The following SPAG17 variants were observed in gnomAD, a reference collection of about 807,000 sequenced individuals.
SPAG17 encodes sperm associated antigen 17, also known as sperm-associated antigen 17.
In SPAG17, 169 loss-of-function variants were observed where a neutral mutation model predicts 273.6. The observed-to-expected ratio is 0.62, with a 90% CI of 0.55 to 0.70. The LOEUF (loss-of-function observed/expected upper bound fraction) is 0.70, where lower values mean the gene tolerates loss of function less well. SPAG17 is among the 30% of genes least tolerant of loss of function. SPAG17 has a pLI of 0.00. For missense variants in SPAG17, 2,557 were observed against 2,627.8 expected (o/e 0.97, Z 0.59); for synonymous variants, 825 against 873.2 (o/e 0.94, Z 0.97).
intron 1 of SPAG17, among the ~76,000 whole-genome samples, chr1:118,153,272 T>G (rs1659486727): frequency 6.6e-6 from 1 of 152,188 alleles, no homozygotes; most frequent in East Asian, 1.9e-4. Context: ...ATTGAATCCC[T>G]AAGTTACCCT....
chr1:118,094,148 G>A (rs1212705939), intron 7 of SPAG17, among the ~76,000 whole-genome samples: 1 of 152,188 alleles, frequency 6.6e-6, no homozygotes, highest in Admixed American at 6.5e-5. Flanking sequence ...CCTGGTTGCT[G>A]GCTGGCTTCC....
intron 48 of SPAG17, 65 bp downstream of exon 48, chr1:117,963,734 C>G (rs532615253): frequency 1.4e-6 from 2 of 1,453,266 alleles, no homozygotes; most frequent in Non-Finnish European, 1.9e-6. Flanking sequence ...GGGGAAGAAA[C>G]CTGGGGTCTA....
chr1:118,054,549 C>A (rs1016405698), intron 19 of SPAG17, among the ~76,000 whole-genome samples: 2 of 152,164 alleles, frequency 1.3e-5, no homozygotes, highest in South Asian at 2.1e-4. Context: ...TGCATCCAAT[C>A]CCAAATTAAC....
At chr1:118,085,763 T>C (rs1045805934) in intron 13 of SPAG17, among the ~76,000 whole-genome samples, 159 bp downstream of exon 13, 2 of 152,224 alleles carry the variant, frequency 1.3e-5, no homozygotes, top group Non-Finnish European at 2.9e-5. Flanking sequence ...AATGACATTA[T>C]TCAAACAAGA....
chr1:118,072,011 T>G (rs71670819), intron 17 of SPAG17, among the ~76,000 whole-genome samples: 4,461 of 152,018 alleles, frequency 0.029, 90 homozygotes, highest in Non-Finnish European at 0.043. Context: ...CAAAGGCATA[T>G]CAACAGGAAA....
rs190149044 is a variant in SPAG17, at chr1:118,096,574, G to A, written c.1011+1096C>T. Among the ~76,000 whole-genome samples the A allele has an allele frequency of 4.7e-3, 710 of 152,232 alleles. 12 individuals are homozygous for A. Among genetic ancestry groups the A allele is most frequent in the Non-Finnish European group, 3.7e-3 (251 of 68,016 alleles). On this transcript the variant is annotated intron_variant, in intron 7 of 48. Coordinates refer to ENST00000336338, the MANE Select transcript of SPAG17 (RefSeq NM_206996.4). ...TTGGGATAAGGGTCAACTAGAAAGA[G>A]ACCTGAGAGATTTTCTGTAGCAGAG...
At chr1:118,123,693 A>G (rs1657545985) in intron 3 of SPAG17, among the ~76,000 whole-genome samples, 2 of 152,222 alleles carry the variant, frequency 1.3e-5, no homozygotes, top group Admixed American at 1.3e-4. Context: ...AATTCCAGTC[A>G]TTGGACCCCT....
intron 3 of SPAG17, among the ~76,000 whole-genome samples, chr1:118,132,191 G>A (rs1223549101): frequency 6.6e-6 from 1 of 152,208 alleles, no homozygotes; most frequent in African/African-American, 2.4e-5. Context: ...CTCCTGAGTT[G>A]AAATGTGAAG....
intron 3 of SPAG17, among the ~76,000 whole-genome samples, chr1:118,134,885 C>A (rs952188451): frequency 2.6e-5 from 4 of 152,192 alleles, no homozygotes; most frequent in Non-Finnish European, 5.9e-5. Flanking sequence ...CTTCATTCAG[C>A]TTTCAAGCCA....
chr1:118,151,465 A>T, intron 1 of SPAG17, 96 bp from the exon 2 acceptor site: 1 of 1,225,452 alleles, frequency 8.2e-7, no homozygotes, highest in East Asian at 2.7e-5. Context: ...TTTTCCTGTA[A>T]ATCTTACTTG....
chr1:117,965,879 T>C (rs910105454), intron 47 of SPAG17: 5 of 152,234 alleles, frequency 3.3e-5, no homozygotes, highest in East Asian at 3.8e-4. Context: ...TTTTGGCAAG[T>C]TGAACTCCCT....
chr1:118,094,630 G>T (rs985362725), intron 7 of SPAG17, among the ~76,000 whole-genome samples: 2 of 152,188 alleles, frequency 1.3e-5, no homozygotes, highest in African/African-American at 4.8e-5. Flanking sequence ...CATTTGATCT[G>T]CTTCTACTAG....
chr1:118,055,356 A>G (rs928166611), intron 19 of SPAG17, among the ~76,000 whole-genome samples: 1 of 152,190 alleles, frequency 6.6e-6, no homozygotes, highest in African/African-American at 2.4e-5. Context: ...ATCTATAATT[A>G]TTCAAATAGA....
At chr1:117,957,961 T>C (rs1365502246) in intron 48 of SPAG17, among the ~76,000 whole-genome samples, 2 of 152,252 alleles carry the variant, frequency 1.3e-5, no homozygotes, top group Admixed American at 6.5e-5. Context: ...TTCATTAGGC[T>C]ATATTCTTAC....
At chr1:118,121,383 G>T (rs562726032) in intron 3 of SPAG17, among the ~76,000 whole-genome samples, 4 of 152,234 alleles carry the variant, frequency 2.6e-5, no homozygotes, top group African/African-American at 7.2e-5. Flanking sequence ...TATATCAGGG[G>T]GTCCCATCCC....
rs371042963 is a variant in SPAG17 at position 118,024,256 on chromosome 1, T to A, written c.3910-793A>T. ...TTTTTCTTCTGGAAATTATATCATA[T>A]GGACCCTTTTTCCATATCTCTCAGC... On this transcript the variant is annotated intron_variant, in intron 27 of 48. Transcript: ENST00000336338. 1.1e-4 allele frequency among the ~76,000 whole-genome samples: 16 copies of A among 152,264 alleles called. No individual in the cohort carries two copies. The East Asian group carries it at 2.5e-3, about 24-fold the overall frequency.
intron 48 of SPAG17, chr1:117,959,069 G>A (rs1652651127): frequency 6.7e-7 from 1 of 1,502,710 alleles, no homozygotes; most frequent in East Asian, 2.3e-5. Flanking sequence ...AAATAGTATA[G>A]TATGCTGTGC....
intron 17 of SPAG17, among the ~76,000 whole-genome samples, chr1:118,069,635 A>G (rs1371731390): frequency 6.6e-6 from 1 of 152,210 alleles, no homozygotes; most frequent in African/African-American, 2.4e-5. Context: ...GTAAGGTATA[A>G]TAATGTGAAT....
intron 30 of SPAG17, 59 bp downstream of exon 30, chr1:118,012,165 TTCTA>T (rs1204062074): frequency 3.3e-6 from 5 of 1,515,076 alleles, no homozygotes; most frequent in East Asian, 2.3e-5. Flanking sequence ...TCAGTGAGGA[TTCTA>T]TCTAACTTAC....
Sources: gnomAD v4.1 joint callset for allele counts (sites outside exome capture counted in the v4.1 genomes callset) on GRCh38, gnomAD v4.1.1 for gene constraint, MANE v1.5 for transcripts, NCBI Gene and HGNC (gene_info 2026-07-23, HGNC 2026-07-21) for gene names.